The following KIAA0586 variants were observed in gnomAD, a reference collection of about 807,000 sequenced individuals.
The protein encoded by KIAA0586 is KIAA0586, also known as protein TALPID3.
KIAA0586 carries 144 observed loss-of-function variants against 169.8 expected under a neutral mutation model. The observed-to-expected ratio is 0.85, with a 90% CI of 0.74 to 0.97. KIAA0586 has a LOEUF of 0.97. KIAA0586 is among the 50% of genes least tolerant of loss of function. The pLI is 0.00. For missense variants in KIAA0586, 1,854 were observed against 1,823.0 expected (o/e 1.02, Z -0.31); for synonymous variants, 625 against 612.4 (o/e 1.02, Z -0.30).
At chr14:58,539,722 C>G in intron 29 of KIAA0586, 1 of 190,700 alleles carries the variant, frequency 5.2e-6, no homozygotes, top group Non-Finnish European at 1.1e-5. Flanking sequence ...TTATTAAATT[C>G]TTAGGTAAGA....
At chr14:58,521,741 G>A in intron 29 of KIAA0586, 1 of 824,354 alleles carries the variant, frequency 1.2e-6, no homozygotes, top group Non-Finnish European at 2.1e-6. Context: ...AGGAACAGGG[G>A]AAACAAGCAG....
intron 4 of KIAA0586, chr14:58,441,459 C>A: frequency 4.2e-6 from 1 of 238,066 alleles, no homozygotes; most frequent in Non-Finnish European, 9.1e-6. Flanking sequence ...CCTTGGCCTC[C>A]CAAAGTGCTG....
chr14:58,544,802 C>A (rs187225491), intron 30 of KIAA0586, among the ~76,000 whole-genome samples: 18 of 152,354 alleles, frequency 1.2e-4, no homozygotes, highest in African/African-American at 4.3e-4. Flanking sequence ...TGACTCCTTA[C>A]TGCTTTCACA....
At chr14:58,535,838 G>T (rs1243493838) in intron 29 of KIAA0586, among the ~76,000 whole-genome samples, 1 of 151,334 alleles carries the variant, frequency 6.6e-6, no homozygotes. Flanking sequence ...GTTGTTTTGT[G>T]GGTTAAAAAA....
chr14:58,427,636 G>C (rs1273670039), upstream of KIAA0586: 5 of 1,535,680 alleles, frequency 3.3e-6, no homozygotes, highest in South Asian at 5.9e-5. Context: ...TGGATGTTTT[G>C]GGTGAGTTTC....
chr14:58,533,835 C>T (rs1033276072), intron 29 of KIAA0586, among the ~76,000 whole-genome samples: 10 of 152,032 alleles, frequency 6.6e-5, no homozygotes, highest in Non-Finnish European at 1.0e-4. Context: ...CCCCTTGCCC[C>T]GAAACTTGCT....
At chr14:58,502,628 A>G (rs1340366332) in intron 27 of KIAA0586, among the ~76,000 whole-genome samples, 6 of 152,208 alleles carry the variant, frequency 3.9e-5, no homozygotes, top group African/African-American at 1.4e-4. Context: ...GTTATTAGGT[A>G]CATGTATTTG....
At chr14:58,505,061 T>A (rs2043837888) in intron 27 of KIAA0586, among the ~76,000 whole-genome samples, 1 of 152,186 alleles carries the variant, frequency 6.6e-6, no homozygotes, top group African/African-American at 2.4e-5. Context: ...ACTTTTTTCC[T>A]GTCCCATGTA....
intron 7 of KIAA0586, among the ~76,000 whole-genome samples, chr14:58,449,665 G>A (rs546236029): frequency 1.9e-4 from 29 of 152,336 alleles, no homozygotes; most frequent in Middle Eastern, 3.4e-3. Context: ...TTGGGAGGGA[G>A]GATGTCAGAG....
At chr14:58,555,534 T>C (rs192809729), downstream of KIAA0586, among the ~76,000 whole-genome samples, 5 of 152,140 alleles carry the variant, frequency 3.3e-5, no homozygotes, top group East Asian at 9.6e-4. Flanking sequence ...CTTTGAGGAG[T>C]TTATTTTGTT....
At chr14:58,505,312 G>T (rs984232806) in intron 27 of KIAA0586, among the ~76,000 whole-genome samples, 1 of 152,062 alleles carries the variant, frequency 6.6e-6, no homozygotes, top group African/African-American at 2.4e-5. Flanking sequence ...TAATGATTAC[G>T]TAAAACTTCA....
chr14:58,531,619 T>G (rs551194217), intron 29 of KIAA0586, among the ~76,000 whole-genome samples: 16 of 152,176 alleles, frequency 1.1e-4, no homozygotes, highest in African/African-American at 3.6e-4. Context: ...GTAGAAGACA[T>G]TGTGGTGATT....
chr14:58,525,459 C>T lies in KIAA0586; in HGVS notation c.4429+12832C>T, dbSNP rs182858617. On this transcript the variant is annotated intron_variant, in intron 29 of 30. Coordinates refer to ENST00000652326, the MANE Select transcript of KIAA0586 (RefSeq NM_001329943.3). ...GCCTCACCCGTGAAGTGCAAGGGGTCGGGGAACTCCCTCCTCTAGCCAAGT... is the reference window on the plus strand; with the variant it reads ...GCCTCACCCGTGAAGTGCAAGGGGTTGGGGAACTCCCTCCTCTAGCCAAGT... Among the ~76,000 whole-genome samples, 456 of 151,978 alleles carry T rather than the reference C, an allele frequency of 3.0e-3. 5 individuals carry two copies. Among genetic ancestry groups the T allele is most frequent in the African/African-American group, 0.011 (436 of 41,460 alleles).
Position 58,549,886 on chromosome 14 carries a change from A to G in KIAA0586, c.*1954A>G, listed in dbSNP as rs913229394. On this transcript the variant is annotated 3_prime_UTR_variant, in exon 31 of 31. Coordinates refer to ENST00000652326, the MANE Select transcript of KIAA0586 (RefSeq NM_001329943.3). Reference sequence around the variant, plus strand: ...AAGGTGTTGGTAGATTTTTCCTCCTAACCATAGAAAGCCTGCCTTTTCTAA... The same window carrying G: ...AAGGTGTTGGTAGATTTTTCCTCCTGACCATAGAAAGCCTGCCTTTTCTAA... 6.6e-6 allele frequency: 1 copy of G among 152,200 alleles called. No homozygotes were observed. Among genetic ancestry groups the G allele is most frequent in the Non-Finnish European group, 1.5e-5 (1 of 68,048 alleles). The allele number at this position is 152,200 out of a possible 1,614,324, so 9.4% of individuals were successfully genotyped here.
chr14:58,472,685 C>T (rs1288994888), intron 18 of KIAA0586, among the ~76,000 whole-genome samples: 2 of 151,246 alleles, frequency 1.3e-5, no homozygotes, highest in African/African-American at 2.4e-5. Context: ...AGGAATATCC[C>T]ATATGGAAGG....
At chr14:58,453,208 T>G (rs557629001) in intron 8 of KIAA0586, 142 bp from the exon 9 acceptor site, 9 of 428,968 alleles carry the variant, frequency 2.1e-5, no homozygotes, top group Non-Finnish European at 3.3e-5. Flanking sequence ...CATGAGCCAC[T>G]GCGCCTGGCT....
chr14:58,499,084 T>A, intron 27 of KIAA0586, 124 bp downstream of exon 27: 1 of 811,492 alleles, frequency 1.2e-6, no homozygotes, highest in Non-Finnish European at 1.9e-6. Flanking sequence ...TTTTAATAAT[T>A]GGAAAGTTTG....
chr14:58,464,001 A>G (rs1239048978), intron 14 of KIAA0586: 3 of 455,122 alleles, frequency 6.6e-6, no homozygotes, highest in Non-Finnish European at 1.4e-5. Flanking sequence ...ACACCCCTGC[A>G]GCAGATGCAA....
At chr14:58,494,388 G>T (rs1566896142) in intron 26 of KIAA0586, among the ~76,000 whole-genome samples, 1 of 141,292 alleles carries the variant, frequency 7.1e-6, no homozygotes, top group Non-Finnish European at 1.5e-5. Flanking sequence ...GTGTCTGTCT[G>T]TCTGATTAAT....
Sources: allele counts gnomAD v4.1 joint callset (sites outside exome capture counted in the v4.1 genomes callset), GRCh38; gene constraint gnomAD v4.1.1; transcripts MANE v1.5; gene names NCBI Gene and HGNC (gene_info 2026-07-23, HGNC 2026-07-21).